CACHD1: variants seen among roughly 807,000 people sequenced by gnomAD.
CACHD1 encodes VWFA and cache domain-containing protein 1.
CACHD1 carries 71 observed loss-of-function variants against 138.7 expected under a neutral mutation model. The observed-to-expected ratio is 0.51, with a 90% CI of 0.42 to 0.62. The LOEUF (loss-of-function observed/expected upper bound fraction) is 0.62. Among genes scored for constraint, CACHD1 ranks in the 20% least tolerant of loss-of-function variants. The pLI is 0.00. For synonymous variants in CACHD1, 578 were observed against 591.5 expected (o/e 0.98, Z 0.33); for missense variants, 1,389 against 1,625.3 (o/e 0.85, Z 2.50).
At chr1:64,662,757 TA>T (rs1453002208) in intron 13 of CACHD1, among the ~76,000 whole-genome samples, 1 of 152,224 alleles carries the variant, frequency 6.6e-6, no homozygotes, top group Non-Finnish European at 1.5e-5. Flanking sequence ...AATAGAGAAC[TA>T]GGATTTTCCT....
chr1:64,584,138 C>T (rs1318378379), intron 3 of CACHD1, among the ~76,000 whole-genome samples: 1 of 152,116 alleles, frequency 6.6e-6, no homozygotes, highest in East Asian at 1.9e-4. Flanking sequence ...GTTCTTAGAG[C>T]TAGATTTATG....
intron 2 of CACHD1, among the ~76,000 whole-genome samples, chr1:64,554,842 G>T (rs1646784808): frequency 6.6e-6 from 1 of 152,194 alleles, no homozygotes; most frequent in Non-Finnish European, 1.5e-5. Flanking sequence ...ACTGAAATGT[G>T]TCTAGAGCTA....
chr1:64,675,565 A>C lies in CACHD1; in HGVS notation c.2888+4A>C, dbSNP rs759376842. ...GACTCTGTCTCAACTGTCACCGGTAAAAATGCAATGGGTCATATTCTGTGT... is the reference window on the plus strand; with the variant it reads ...GACTCTGTCTCAACTGTCACCGGTACAAATGCAATGGGTCATATTCTGTGT... On this transcript the variant is annotated splice_donor_region_variant and intron_variant, in intron 20 of 26. Coordinates refer to ENST00000651257, the MANE Select transcript of CACHD1 (RefSeq NM_020925.4). 6.2e-7 allele frequency: 1 copy of C among 1,605,170 alleles called. No individual in the cohort carries two copies. The highest frequency in any genetic ancestry group is 8.5e-7 in the Non-Finnish European group (1 of 1,172,396).
chr1:64,616,787 C>A (rs965180269), intron 4 of CACHD1, among the ~76,000 whole-genome samples: 2 of 151,982 alleles, frequency 1.3e-5, no homozygotes, highest in African/African-American at 4.8e-5. Flanking sequence ...TACCTGGGAC[C>A]AGACCATTAA....
intron 1 of CACHD1, among the ~76,000 whole-genome samples, chr1:64,516,252 A>C (rs963978618): frequency 6.6e-6 from 1 of 152,118 alleles, no homozygotes; most frequent in Non-Finnish European, 1.5e-5. Flanking sequence ...AATTATCGCT[A>C]TCTCTCCATT....
chr1:64,482,846 G>A (rs1490185152), intron 1 of CACHD1, among the ~76,000 whole-genome samples: 1 of 152,112 alleles, frequency 6.6e-6, no homozygotes, highest in Non-Finnish European at 1.5e-5. Context: ...AAAACATCCT[G>A]GAGATTACTT....
chr1:64,642,953 C>T (rs967219432), intron 8 of CACHD1, among the ~76,000 whole-genome samples: 1 of 136,852 alleles, frequency 7.3e-6, no homozygotes, highest in Admixed American at 8.7e-5. Flanking sequence ...GCAGGAGAAT[C>T]GCTTGAACCC....
At position 64,681,552 on chromosome 1, in the gene CACHD1, T is replaced by TTTGTTGTTG. The variant is rs1557555846; in HGVS notation, c.3484+219_3484+220insGTTGTTGTT. Among the ~76,000 whole-genome samples the TTTGTTGTTG allele has an allele frequency of 2.4e-3, 226 of 94,688 alleles. 4 individuals are homozygous for TTTGTTGTTG. The highest frequency in any genetic ancestry group is 8.2e-3 in the African/African-American group (211 of 25,768). The allele number at this position is 94,688 out of a possible 152,430, so 62.1% of individuals were successfully genotyped here. On this transcript the variant is annotated intron_variant, in intron 25 of 26. Transcript: ENST00000651257. ...AAAGATTTTATTGTGTTTTTTTTTT[T>TTTGTTGTTG]TTTTTTTTTTTTGCATTAAGTGTGT... is the stretch of plus-strand genomic sequence containing the variant.
At chr1:64,494,812 T>C (rs1371767059) in intron 1 of CACHD1, among the ~76,000 whole-genome samples, 1 of 152,238 alleles carries the variant, frequency 6.6e-6, no homozygotes, top group Admixed American at 6.5e-5. Context: ...GTTCTATTTC[T>C]AATGCAGATA....
intron 3 of CACHD1, among the ~76,000 whole-genome samples, chr1:64,599,832 T>A (rs1647195922): frequency 6.6e-6 from 1 of 152,136 alleles, no homozygotes; most frequent in African/African-American, 2.4e-5. Flanking sequence ...AGCATTGGAC[T>A]TCAGCTCTCT....
intron 1 of CACHD1, among the ~76,000 whole-genome samples, chr1:64,489,308 C>T (rs756513423): frequency 2.0e-5 from 3 of 152,104 alleles, no homozygotes; most frequent in Non-Finnish European, 4.4e-5. Flanking sequence ...GAATGCTTAC[C>T]TTTGTGGGCT....
intron 19 of CACHD1, among the ~76,000 whole-genome samples, chr1:64,675,140 A>G (rs1649942417): frequency 6.6e-6 from 1 of 152,214 alleles, no homozygotes. Context: ...AACAGTTATA[A>G]AAGTTACATT....
intron 1 of CACHD1, among the ~76,000 whole-genome samples, chr1:64,541,017 C>T (rs1049785704): frequency 1.3e-5 from 2 of 151,928 alleles, no homozygotes; most frequent in African/African-American, 2.4e-5. Flanking sequence ...CACGTGCACA[C>T]GCACATACGA....
At chr1:64,668,276 G>A (rs113815788) in intron 16 of CACHD1, among the ~76,000 whole-genome samples, 2,966 of 146,840 alleles carry the variant, frequency 0.02, 41 homozygotes, top group Non-Finnish European at 0.033. Context: ...GCAGTGAGCC[G>A]AGATCGTACC....
chr1:64,579,989 A>G (rs1290414605), intron 2 of CACHD1: 2 of 152,534 alleles, frequency 1.3e-5, no homozygotes, highest in African/African-American at 4.8e-5. Flanking sequence ...ATGAGAATAT[A>G]AGGTTTTCAA....
chr1:64,675,393 T>C lies in CACHD1; in HGVS notation c.2728-8T>C. On this transcript the variant is annotated splice_region_variant and splice_polypyrimidine_tract_variant and intron_variant, in intron 19 of 26. Coordinates refer to ENST00000651257, the MANE Select transcript of CACHD1 (RefSeq NM_020925.4). Reference sequence around the variant, plus strand: ...TCTGTCATTTCTGATACCTTGATTGTTCTGTAGGGGGATTTGACGAACCTT... The same window carrying C: ...TCTGTCATTTCTGATACCTTGATTGCTCTGTAGGGGGATTTGACGAACCTT... 6.3e-7 allele frequency: 1 copy of C among 1,577,076 alleles called. No homozygotes were observed. Among genetic ancestry groups the C allele is most frequent in the Admixed American group, 1.7e-5 (1 of 59,632 alleles).
intron 9 of CACHD1, among the ~76,000 whole-genome samples, chr1:64,649,067 G>A (rs1649004514): frequency 6.6e-6 from 1 of 152,098 alleles, no homozygotes; most frequent in African/African-American, 2.4e-5. Context: ...TTGTTAGCTA[G>A]GAACTCTTAC....
chr1:64,506,059 G>A (rs1398017985), intron 1 of CACHD1: 2 of 152,238 alleles, frequency 1.3e-5, no homozygotes, highest in African/African-American at 2.4e-5. Flanking sequence ...AGGTTGAAAT[G>A]GTAGCCCCAC....
chr1:64,612,941 A>G (rs1279706433), intron 4 of CACHD1, among the ~76,000 whole-genome samples: 1 of 152,198 alleles, frequency 6.6e-6, no homozygotes. Context: ...GTAAATTAAC[A>G]CCTTCTGGAA....
Sources: allele counts gnomAD v4.1 joint callset (sites outside exome capture counted in the v4.1 genomes callset), GRCh38; gene constraint gnomAD v4.1.1; transcripts MANE v1.5; gene names NCBI Gene and HGNC (gene_info 2026-07-23, HGNC 2026-07-21).